RGS12: variants seen among roughly 807,000 people sequenced by gnomAD.
RGS12 encodes the protein regulator of G protein signaling 12.
A neutral mutation model predicts 120.1 loss-of-function variants in RGS12; 66 were observed. The ratio of observed to expected loss-of-function variants is 0.55; its 90% CI spans 0.45 to 0.67. The LOEUF is 0.67. Ranked by LOEUF, RGS12 falls within the 30% of genes least tolerant of loss-of-function variation. The probability of loss-of-function intolerance (pLI) is 0.00; values close to 1 mark genes in which losing one functional copy is unlikely to be tolerated. For synonymous variants in RGS12, 827 were observed against 804.7 expected (o/e 1.03, Z -0.47); for missense variants, 1,859 against 1,957.7 (o/e 0.95, Z 0.95).
chr4:3,427,249 G>A (rs1356901703), intron 14 of RGS12, among the ~76,000 whole-genome samples: 1 of 152,236 alleles, frequency 6.6e-6, no homozygotes, highest in Non-Finnish European at 1.5e-5. Context: ...CCCAGGGCCT[G>A]CTGGGCCTCG....
intron 3 of RGS12, among the ~76,000 whole-genome samples, chr4:3,343,976 C>G (rs1392733362): frequency 6.6e-6 from 1 of 152,226 alleles, no homozygotes; most frequent in African/African-American, 2.4e-5. Flanking sequence ...ATGATTGATG[C>G]CTTCCGCTAT....
chr4:3,428,716 G>GT lies in RGS12; in HGVS notation c.3565+6dup, dbSNP rs1254073775. 6.3e-7 allele frequency: 1 copy of GT among 1,578,932 alleles called. No individual in the cohort carries two copies. Among genetic ancestry groups the GT allele is most frequent in the Non-Finnish European group, 8.6e-7 (1 of 1,169,352 alleles). ...TTAATTTGGACGAAGCAGAGGGTAT[G>GT]TGAACTTTTTAAAACTTCCACGTTT... On this transcript the variant is annotated splice_donor_region_variant and intron_variant, in intron 16 of 17. Coordinates refer to ENST00000336727, the MANE Select transcript of RGS12 (RefSeq NM_001394154.1).
chr4:3,288,610 G>A (rs1249785147), upstream of RGS12, among the ~76,000 whole-genome samples: 1 of 152,202 alleles, frequency 6.6e-6, no homozygotes, highest in African/African-American at 2.4e-5. The surrounding 1 kb of genome is among the most constrained non-coding windows in gnomAD (Gnocchi z 5.2). Flanking sequence ...ACACAAGCAA[G>A]CCCCCAAAGT....
At position 3,325,530 on chromosome 4, in the gene RGS12, T is replaced by A. The variant is rs529426027; in HGVS notation, c.1881+7479T>A. 3.2e-4 allele frequency among the ~76,000 whole-genome samples: 48 copies of A among 152,284 alleles called. 1 individual carries two copies. The South Asian group carries it at 9.8e-3, about 31-fold the overall frequency. On this transcript the variant is annotated intron_variant, in intron 2 of 17. Transcript: ENST00000336727. ...AAGGGTGGGTCTGAATAACGAGCAG[T>A]GAGATTGAATCAGTAACAAAAACAT...
chr4:3,312,720 C>T (rs534235183), intron 1 of RGS12: 8 of 217,618 alleles, frequency 3.7e-5, no homozygotes, highest in Admixed American at 1.4e-4. Context: ...AGCTGATCTC[C>T]GGGAGCTGTC....
intron 2 of RGS12, among the ~76,000 whole-genome samples, chr4:3,323,756 A>G (rs1276598216): frequency 1.3e-5 from 2 of 152,112 alleles, no homozygotes; most frequent in Non-Finnish European, 2.9e-5. Context: ...GTAGGTTCCT[A>G]GATGTGGAAT....
chr4:3,362,955 CAG>C (rs971288515), intron 3 of RGS12, among the ~76,000 whole-genome samples: 4 of 99,244 alleles, frequency 4.0e-5, no homozygotes, highest in African/African-American at 8.1e-5. Flanking sequence ...GTGCACGTGC[CAG>C]TGTGTGAAGG....
intron 17 of RGS12, 104 bp from the exon 18 acceptor site, chr4:3,439,351 A>AC: frequency 8.8e-7 from 1 of 1,132,282 alleles, no homozygotes; most frequent in South Asian, 1.3e-5. Flanking sequence ...TATTTCAGGG[A>AC]CCCCTACCAT....
intron 1 of RGS12, among the ~76,000 whole-genome samples, chr4:3,308,366 T>C (rs771905826): frequency 8.5e-5 from 13 of 152,228 alleles, no homozygotes; most frequent in Non-Finnish European, 1.8e-4. Flanking sequence ...CAGGTTTAGA[T>C]GTGAAGCGTG....
At chr4:3,400,289 T>A (rs143762025) in intron 4 of RGS12, among the ~76,000 whole-genome samples, 5 of 152,356 alleles carry the variant, frequency 3.3e-5, no homozygotes, top group African/African-American at 1.2e-4. Context: ...TTTTAATGCA[T>A]CCTTGTGAAG....
chr4:3,393,393 G>A (rs1354479515), intron 4 of RGS12, among the ~76,000 whole-genome samples: 1 of 152,136 alleles, frequency 6.6e-6, no homozygotes, highest in Non-Finnish European at 1.5e-5. Context: ...CTCCTGTGAG[G>A]TCCCTGGGCA....
chr4:3,297,255 C>A (rs1324068889), intron 1 of RGS12, among the ~76,000 whole-genome samples: 3 of 152,214 alleles, frequency 2.0e-5, no homozygotes, highest in Non-Finnish European at 4.4e-5. Context: ...TAGCAGTGAT[C>A]TTAGTTGTCC....
intron 2 of RGS12, among the ~76,000 whole-genome samples, chr4:3,331,002 C>T (rs1711774278): frequency 6.6e-6 from 1 of 152,220 alleles, no homozygotes; most frequent in Non-Finnish European, 1.5e-5. Context: ...CTTAGCTGGA[C>T]AGCCGTGTGT....
chr4:3,373,121 A>G (rs746633001), intron 3 of RGS12, among the ~76,000 whole-genome samples: 2 of 152,138 alleles, frequency 1.3e-5, no homozygotes, highest in Non-Finnish European at 2.9e-5. Flanking sequence ...AGCCTGGGGA[A>G]GTGAAAGGAT....
intron 1 of RGS12, among the ~76,000 whole-genome samples, chr4:3,303,994 A>G (rs7676111): frequency 0.025 from 3,760 of 152,304 alleles, 161 homozygotes; most frequent in African/African-American, 0.085. Flanking sequence ...ATTCTCTTGT[A>G]AGCACTGAGT....
chr4:3,438,406 C>T (rs149801366), intron 17 of RGS12, among the ~76,000 whole-genome samples: 6 of 151,626 alleles, frequency 4.0e-5, no homozygotes, highest in Non-Finnish European at 8.8e-5. Flanking sequence ...GGCAACGTCA[C>T]CCCCACCGTA....
intron 3 of RGS12, 107 bp downstream of exon 3, chr4:3,343,160 C>T (rs557908173): frequency 9.3e-6 from 7 of 750,210 alleles, no homozygotes; most frequent in Non-Finnish European, 1.6e-5. Flanking sequence ...GTCCCCTCCC[C>T]TCCTCCTCTG....
chr4:3,430,853 G>T lies in RGS12; in HGVS notation c.4012G>T (p.Ala1338Ser). The T allele has an allele frequency of 6.2e-7, 1 of 1,612,006 alleles. No homozygotes were observed. Among genetic ancestry groups the T allele is most frequent in the Non-Finnish European group, 8.5e-7 (1 of 1,179,620 alleles). ...CCAGACGGTGGAGGATGAGCACGTG[G>T]CCGAGCTGACCCTGATGGGGGAGGG... is the stretch of plus-strand genomic sequence containing the variant. Reference protein sequence around the residue: ...GIQTVEDEHVAELTLMGEGDI... With the variant: ...GIQTVEDEHVSELTLMGEGDI... Residue 1338 changes from alanine (A) to serine (S), a missense_variant, in exon 17 of 18, where the codon GCC (alanine) becomes TCC (serine). Ala to Ser is a moderately conservative substitution (Grantham distance 99, BLOSUM62 1). This residue lies in a region of RGS12 where 517 missense variants were observed against 488.5 expected (regional missense o/e 1.06). Transcript: ENST00000336727.
intron 4 of RGS12, chr4:3,413,845 C>A: frequency 1.9e-6 from 1 of 530,040 alleles, no homozygotes; most frequent in East Asian, 2.9e-5. Flanking sequence ...CGTGCACACA[C>A]ATGTGCAGCC....
Sources: gnomAD v4.1 joint callset for allele counts (sites outside exome capture counted in the v4.1 genomes callset) on GRCh38, gnomAD v4.1.1 for gene constraint, gnomAD v4.1.1 regional missense constraint, Gnocchi (gnomAD v3.1) non-coding constraint, MANE v1.5 for transcripts, NCBI Gene and HGNC (gene_info 2026-07-23, HGNC 2026-07-21) for gene names.